CNTNAP5: variants seen among roughly 807,000 people sequenced by gnomAD.
CNTNAP5 encodes the protein contactin associated protein family member 5, also known as contactin-associated protein-like 5.
Under a neutral mutation model 150.2 loss-of-function variants are expected in CNTNAP5, and 72 were observed. That is an observed-to-expected ratio of 0.48 (90% confidence interval 0.40 to 0.58). CNTNAP5 has a LOEUF of 0.58. CNTNAP5 is among the 20% of genes least tolerant of loss of function. CNTNAP5 has a pLI of 0.00. For synonymous variants in CNTNAP5, 672 were observed against 619.8 expected (o/e 1.08, Z -1.25); for missense variants, 1,636 against 1,626.2 (o/e 1.01, Z -0.10).
At chr2:124,825,605 T>C (rs979921792) in intron 19 of CNTNAP5, among the ~76,000 whole-genome samples, 7 of 152,128 alleles carry the variant, frequency 4.6e-5, no homozygotes, top group Non-Finnish European at 7.3e-5. Context: ...GGATAGGAAC[T>C]CATTCTTAAT....
intron 19 of CNTNAP5, among the ~76,000 whole-genome samples, chr2:124,813,021 T>G (rs2104659910): frequency 6.6e-6 from 1 of 152,314 alleles, no homozygotes; most frequent in African/African-American, 2.4e-5. Context: ...GTCCTGAGCC[T>G]ACCCTTTAAA....
At chr2:124,157,145 A>AC (rs1389170614) in intron 1 of CNTNAP5, among the ~76,000 whole-genome samples, 3 of 150,008 alleles carry the variant, frequency 2.0e-5, no homozygotes, top group Non-Finnish European at 3.0e-5. Context: ...AGGATTCTTA[A>AC]CCTTATTCTT....
intron 13 of CNTNAP5, among the ~76,000 whole-genome samples, chr2:124,702,659 C>T (rs1386398935): frequency 6.6e-6 from 1 of 151,860 alleles, no homozygotes; most frequent in African/African-American, 2.4e-5. Flanking sequence ...GAATTGCATG[C>T]CAAGCAGTGT....
intron 4 of CNTNAP5, among the ~76,000 whole-genome samples, chr2:124,426,364 CTG>C (rs750413748): frequency 1.3e-5 from 2 of 152,180 alleles, no homozygotes; most frequent in Non-Finnish European, 2.9e-5. Context: ...GTGGAGGAAT[CTG>C]TGCAAATTTG....
chr2:124,567,574 A>G (rs892442028), intron 11 of CNTNAP5, among the ~76,000 whole-genome samples: 6 of 152,164 alleles, frequency 3.9e-5, no homozygotes, highest in African/African-American at 1.4e-4. Flanking sequence ...CACAGGAGTA[A>G]CCGAATAAAA....
At chr2:124,220,348 T>C (rs1686272762) in intron 1 of CNTNAP5, among the ~76,000 whole-genome samples, 1 of 152,148 alleles carries the variant, frequency 6.6e-6, no homozygotes, top group African/African-American at 2.4e-5. Flanking sequence ...TACTGACTAA[T>C]TGGCTGGTAG....
chr2:124,892,053 A>G (rs1265806654), intron 21 of CNTNAP5, among the ~76,000 whole-genome samples: 1 of 152,138 alleles, frequency 6.6e-6, no homozygotes, highest in East Asian at 1.9e-4. Flanking sequence ...GTATAAGTCT[A>G]GAAAGAATTC....
chr2:124,328,629 G>A (rs1689276376), intron 3 of CNTNAP5, among the ~76,000 whole-genome samples: 1 of 152,160 alleles, frequency 6.6e-6, no homozygotes, highest in South Asian at 2.1e-4. Flanking sequence ...TGTTCCTGCA[G>A]AGGATAAAAA....
At chr2:124,214,209 T>C (rs1250049545) in intron 1 of CNTNAP5, among the ~76,000 whole-genome samples, 1 of 152,178 alleles carries the variant, frequency 6.6e-6, no homozygotes, top group African/African-American at 2.4e-5. Flanking sequence ...TACCTTGTTA[T>C]GCTTATGGGG....
intron 1 of CNTNAP5, among the ~76,000 whole-genome samples, chr2:124,151,699 A>T (rs576796634): frequency 6.6e-6 from 1 of 152,234 alleles, no homozygotes; most frequent in African/African-American, 2.4e-5. Context: ...ACCTAGCTCT[A>T]TGGAGTTGTC....
intron 1 of CNTNAP5, among the ~76,000 whole-genome samples, chr2:124,127,804 TG>T (rs1031719107): frequency 1.3e-5 from 2 of 152,150 alleles, no homozygotes; most frequent in Admixed American, 6.5e-5. Flanking sequence ...AACTAAGAAA[TG>T]GGGAAAAGAT....
At chr2:124,734,908 A>T (rs906994572) in intron 13 of CNTNAP5, among the ~76,000 whole-genome samples, 2 of 152,176 alleles carry the variant, frequency 1.3e-5, no homozygotes, top group African/African-American at 4.8e-5. Flanking sequence ...GTAATTAGTG[A>T]TTCTAAAATT....
chr2:124,461,412 T>TAA (rs1043930580), intron 6 of CNTNAP5, among the ~76,000 whole-genome samples: 3 of 150,448 alleles, frequency 2.0e-5, no homozygotes, highest in African/African-American at 7.3e-5. Context: ...TCATTCTCAG[T>TAA]AAACTATCGC....
chr2:124,117,341 G>A (rs1683451422), intron 1 of CNTNAP5, among the ~76,000 whole-genome samples: 1 of 151,904 alleles, frequency 6.6e-6, no homozygotes, highest in South Asian at 2.1e-4. Flanking sequence ...TCTCTTACTT[G>A]TCTCACTTAG....
At chr2:124,341,289 C>G (rs895719260) in intron 3 of CNTNAP5, among the ~76,000 whole-genome samples, 1 of 152,056 alleles carries the variant, frequency 6.6e-6, no homozygotes, top group Admixed American at 6.5e-5. Context: ...TACTCAGAAA[C>G]AAGACATGGT....
At chr2:124,272,971 T>C (rs915184107) in intron 3 of CNTNAP5, among the ~76,000 whole-genome samples, 3 of 152,216 alleles carry the variant, frequency 2.0e-5, no homozygotes, top group African/African-American at 7.2e-5. Flanking sequence ...TTCTGCTTAG[T>C]TCTTGACCCT....
At chr2:124,293,417 C>A (rs1688349921) in intron 3 of CNTNAP5, among the ~76,000 whole-genome samples, 1 of 152,082 alleles carries the variant, frequency 6.6e-6, no homozygotes, top group African/African-American at 2.4e-5. Flanking sequence ...AATTCCAATG[C>A]ATAATTTAAT....
chr2:124,713,276 T>TCTTTCTTTCTTTCTTC (rs1679857960), intron 13 of CNTNAP5, among the ~76,000 whole-genome samples: 2 of 129,382 alleles, frequency 1.5e-5, no homozygotes, highest in Non-Finnish European at 3.4e-5. Flanking sequence ...TTTCTTTCTT[T>TCTTTCTTTCTTTCTTC]CTTTCTTTCT....
chr2:124,892,314 T>C (rs1387786028), intron 21 of CNTNAP5, among the ~76,000 whole-genome samples: 1 of 152,146 alleles, frequency 6.6e-6, no homozygotes, highest in East Asian at 1.9e-4. Context: ...AGAACAATGA[T>C]ATAAATTTCC....
Sources: gnomAD v4.1 joint callset for allele counts (sites outside exome capture counted in the v4.1 genomes callset) on GRCh38, gnomAD v4.1.1 for gene constraint, MANE v1.5 for transcripts, NCBI Gene and HGNC (gene_info 2026-07-23, HGNC 2026-07-21) for gene names.